Variants in UBAP2 observed in about 807,000 individuals in gnomAD.
UBAP2 encodes ubiquitin associated protein 2.
Under a neutral mutation model 139.6 loss-of-function variants are expected in UBAP2, and 75 were observed. That is an observed-to-expected ratio of 0.54 (90% CI 0.45 to 0.65). The LOEUF (loss-of-function observed/expected upper bound fraction) is 0.65, where lower values mean the gene tolerates loss of function less well. Ranked by LOEUF, UBAP2 falls within the 30% of genes least tolerant of loss-of-function variation. The pLI is 0.00. For synonymous variants in UBAP2, 526 were observed against 526.2 expected (o/e 1.00, Z 0.01); for missense variants, 1,368 against 1,369.6 (o/e 1.00, Z 0.02).
intron 1 of UBAP2, among the ~76,000 whole-genome samples, chr9:34,027,858 T>C (rs928723113): frequency 1.5e-4 from 6 of 38,974 alleles, no homozygotes; most frequent in African/African-American, 7.1e-4. Flanking sequence ...CGAGACTCCA[T>C]CTCAAAAAAA....
chr9:34,017,518 CAA>C (rs1169126641), intron 1 of UBAP2, among the ~76,000 whole-genome samples: 2 of 152,176 alleles, frequency 1.3e-5, no homozygotes, highest in East Asian at 3.9e-4. Flanking sequence ...ATTTGAACCC[CAA>C]AACAACATTG....
At position 33,922,775 on chromosome 9, in the gene UBAP2, T is replaced by C. The variant is rs150662040; in HGVS notation, c.3176A>G (p.Tyr1059Cys). 3 of 1,560,314 alleles carry C rather than the reference T, an allele frequency of 1.9e-6. No individual in the cohort carries two copies. The highest frequency in any genetic ancestry group is 1.4e-5 in the African/African-American group (1 of 73,266). ...GPLASGAAPG[Y>C]APPPFLHILP... The stretch of plus-strand genomic sequence containing the variant: ...GATGTGTAGGAATGGTGGGGGTGCA[T>C]AGCCAGGGGCCGCTCCCGAGGCCAG... The change falls in exon 28 of 29, where the codon TAT becomes TGT. Residue 1059 changes from tyrosine (Y) to cysteine (C), a missense_variant. By Grantham distance (194) the Tyr-to-Cys change is radical. Transcript: ENST00000379238.
chr9:33,955,588 G>A (rs1826491222), intron 11 of UBAP2, among the ~76,000 whole-genome samples: 2 of 152,110 alleles, frequency 1.3e-5, no homozygotes, highest in East Asian at 1.9e-4. Context: ...CAGCACTTTC[G>A]GAGGCTGAGG....
rs546279403 is a variant in UBAP2 at position 33,958,689 on chromosome 9, G to A, written c.798+2137C>T. Among the ~76,000 whole-genome samples the A allele has an allele frequency of 4.8e-5, 7 of 146,484 alleles. No individual in the cohort carries two copies. In the South Asian group the frequency reaches 1.5e-3, roughly 32 times the overall value. The stretch of plus-strand genomic sequence containing the variant: ...TCCCAAAATGCTGGATTACAGGCAT[G>A]AGCCACTGTGCCCGGCCTTTTTTTT... On this transcript the variant is annotated intron_variant, in intron 10 of 28. Coordinates refer to ENST00000379238, the MANE Select transcript of UBAP2 (RefSeq NM_001370062.2).
At chr9:34,004,086 G>A (rs1822967079) in intron 2 of UBAP2, among the ~76,000 whole-genome samples, 1 of 152,116 alleles carries the variant, frequency 6.6e-6, no homozygotes, top group South Asian at 2.1e-4. Flanking sequence ...ATGTCTACCA[G>A]TGTTAAAAGG....
At chr9:34,022,764 T>G (rs1395907185) in intron 1 of UBAP2, among the ~76,000 whole-genome samples, 1 of 152,116 alleles carries the variant, frequency 6.6e-6, no homozygotes, top group Non-Finnish European at 1.5e-5. Flanking sequence ...AAATACATTT[T>G]AAGAAAAGAA....
intron 6 of UBAP2, among the ~76,000 whole-genome samples, chr9:33,984,258 G>T (rs1821011221): frequency 6.6e-6 from 1 of 152,100 alleles, no homozygotes. Flanking sequence ...CATTAAGGAA[G>T]TATCATCTAA....
chr9:33,932,635 G>A lies in UBAP2; in HGVS notation c.2109-7C>T. 1.2e-6 allele frequency: 2 copies of A among 1,613,902 alleles called. No homozygotes were observed. Among genetic ancestry groups the A allele is most frequent in the Non-Finnish European group, 1.7e-6 (2 of 1,179,972 alleles). ...CTGGTGGCTGGAGAGCGAACTAGAA[G>A]ACAAAACAGAGCGCCGTATGTCCAC... On this transcript the variant is annotated splice_region_variant and splice_polypyrimidine_tract_variant and intron_variant, in intron 18 of 28. Coordinates refer to ENST00000379238, the MANE Select transcript of UBAP2 (RefSeq NM_001370062.2).
In UBAP2 at chr9:33,941,654, T is replaced by C. The variant is rs779177446; in HGVS notation, c.1924A>G (p.Ile642Val). The part of the protein sequence containing the change: ...VSSSESAPGT[I>V]MNGHGGGRSQ... Reference sequence around the variant, plus strand: ...AAAACTAAAATACCACTTACCATGATGGTTCCTGGAGCTGACTCTGATGAA... The same window carrying C: ...AAAACTAAAATACCACTTACCATGACGGTTCCTGGAGCTGACTCTGATGAA... The change falls in exon 16 of 29, where the codon ATC (isoleucine) becomes GTC (valine). Residue 642 changes from isoleucine to valine, a missense_variant. By Grantham distance (29) the Ile-to-Val change is conservative. Coordinates refer to ENST00000379238, the MANE Select transcript of UBAP2 (RefSeq NM_001370062.2). 3.7e-6 allele frequency: 6 copies of C among 1,613,976 alleles called. No homozygotes were observed. Among genetic ancestry groups the C allele is most frequent in the South Asian group, 3.3e-5 (3 of 91,082 alleles).
chr9:33,927,395 A>G (rs1381946222), intron 20 of UBAP2, among the ~76,000 whole-genome samples: 1 of 152,214 alleles, frequency 6.6e-6, no homozygotes, highest in Non-Finnish European at 1.5e-5. Context: ...AAAGAGGGCA[A>G]GGAAGCCATG....
At position 33,922,834 on chromosome 9, in the gene UBAP2, G is replaced by A. The variant is rs1451036015; in HGVS notation, c.3117C>T (p.Phe1039=). 3.2e-6 allele frequency: 5 copies of A among 1,577,548 alleles called. No homozygotes were observed. The highest frequency in any genetic ancestry group is 2.4e-5 in the South Asian group (2 of 84,898). Residue 1039 remains phenylalanine (F), a synonymous_variant, in exon 28 of 29, where the codon TTC becomes TTT. Transcript: ENST00000379238. ...QGFHAGTPPP[F]SLPSVLGSTG... ...TGGAGCCCAAGACCGAGGGCAGGCT[G>A]AAAGGTGGAGGCGTCCCTGCATGAA...
At chr9:34,025,769 C>T (rs943678290) in intron 1 of UBAP2, among the ~76,000 whole-genome samples, 6 of 152,136 alleles carry the variant, frequency 3.9e-5, no homozygotes, top group African/African-American at 9.7e-5. Context: ...CATAGACATA[C>T]GATCTTCCCA....
intron 1 of UBAP2, among the ~76,000 whole-genome samples, chr9:34,045,099 G>A (rs373651964): frequency 6.6e-6 from 1 of 152,064 alleles, no homozygotes; most frequent in Non-Finnish European, 1.5e-5. Flanking sequence ...TGTAATCCCA[G>A]CACTTTGGGA....
In UBAP2 at chr9:34,014,293, C is replaced by T. The variant is rs377494969; in HGVS notation, c.99+2757G>A. ...AATGAGCCAAGATAGAGTAACTGCACTCTAGACTGGGCTACAGAGCGAGAC... is the reference window on the plus strand; with the variant it reads ...AATGAGCCAAGATAGAGTAACTGCATTCTAGACTGGGCTACAGAGCGAGAC... On this transcript the variant is annotated intron_variant, in intron 2 of 28. Transcript: ENST00000379238. Among the ~76,000 whole-genome samples the T allele has an allele frequency of 1.4e-4, 17 of 122,706 alleles. 1 individual carries two copies. The highest frequency in any genetic ancestry group is 5.0e-4 in the African/African-American group (16 of 32,194). The allele number at this position is 122,706 out of a possible 152,430, so 80.5% of individuals were successfully genotyped here. A position where few individuals can be genotyped will look rare whatever the true frequency, so the allele number is the denominator to read the frequency against.
At chr9:34,001,914 G>C (rs546128295) in intron 2 of UBAP2, among the ~76,000 whole-genome samples, 1 of 151,092 alleles carries the variant, frequency 6.6e-6, no homozygotes, top group South Asian at 2.1e-4. Context: ...TCCATAAAGT[G>C]ACCATCTAAC....
At chr9:33,956,453 G>C (rs1044849841) in intron 10 of UBAP2, among the ~76,000 whole-genome samples, 12 of 151,736 alleles carry the variant, frequency 7.9e-5, no homozygotes, top group African/African-American at 2.9e-4. Context: ...TGAGTAGCTG[G>C]GCCTCCAGGC....
At chr9:33,925,318 G>C (rs1823330619) in intron 22 of UBAP2, among the ~76,000 whole-genome samples, 1 of 152,190 alleles carries the variant, frequency 6.6e-6, no homozygotes, top group African/African-American at 2.4e-5. Flanking sequence ...CACAACTGAG[G>C]ACGGGAGCAG....
chr9:34,037,106 G>A (rs1414604321), intron 1 of UBAP2, among the ~76,000 whole-genome samples: 1 of 150,336 alleles, frequency 6.7e-6, no homozygotes, highest in Non-Finnish European at 1.5e-5. Flanking sequence ...CTCCTGCCTC[G>A]GCCTCCGGAT....
In UBAP2 at chr9:33,977,317, G is replaced by A. The variant is rs558479994; in HGVS notation, c.521-4080C>T. On this transcript the variant is annotated intron_variant, in intron 6 of 28. Coordinates refer to ENST00000379238, the MANE Select transcript of UBAP2 (RefSeq NM_001370062.2). The stretch of plus-strand genomic sequence containing the variant: ...CTCCCAAAGTGCTGGGATTACAGGC[G>A]TGAACCACCGCGCCCAGCCAAACAA... 2.6e-3 allele frequency among the ~76,000 whole-genome samples: 393 copies of A among 152,064 alleles called. 1 individual carries two copies. The highest frequency in any genetic ancestry group is 8.2e-3 in the African/African-American group (340 of 41,510).
Sources: gnomAD v4.1 joint callset for allele counts (sites outside exome capture counted in the v4.1 genomes callset) on GRCh38, gnomAD v4.1.1 for gene constraint, MANE v1.5 for transcripts, NCBI Gene and HGNC (gene_info 2026-07-23, HGNC 2026-07-21) for gene names.